ERBB4: variants seen among roughly 807,000 people sequenced by gnomAD.
ERBB4 encodes the protein erb-b2 receptor tyrosine kinase 4, also known as receptor tyrosine-protein kinase erbB-4.
Under a neutral mutation model 158.0 loss-of-function variants are expected in ERBB4, and 42 were observed. That is an observed-to-expected ratio of 0.27 (90% confidence interval 0.21 to 0.34). The LOEUF (loss-of-function observed/expected upper bound fraction) is 0.34. ERBB4 is among the 10% of genes least tolerant of loss of function. ERBB4 has a pLI of 1.00. For missense variants in ERBB4, 1,333 were observed against 1,624.1 expected (o/e 0.82, Z 3.08); for synonymous variants, 583 against 558.7 (o/e 1.04, Z -0.61).
At chr2:212,056,183 T>G (rs1036218177) in intron 2 of ERBB4, among the ~76,000 whole-genome samples, 1 of 152,058 alleles carries the variant, frequency 6.6e-6, no homozygotes, top group Non-Finnish European at 1.5e-5. Flanking sequence ...TATCAGTGAT[T>G]GAAGATCAAA....
intron 2 of ERBB4, among the ~76,000 whole-genome samples, chr2:212,107,175 A>T (rs888823305): frequency 1.2e-4 from 19 of 152,132 alleles, no homozygotes; most frequent in Admixed American, 3.9e-4. Context: ...AGCCACAGAC[A>T]CTCAGTGCCA....
intron 2 of ERBB4, among the ~76,000 whole-genome samples, chr2:212,003,191 A>AAGAAAGAAAGAAAGAAAGAAAG (rs1559293362): frequency 2.7e-5 from 2 of 74,120 alleles, no homozygotes; most frequent in Non-Finnish European, 3.3e-5. Flanking sequence ...GAAAGAAAGA[A>AAGAAAGAAAGAAAGAAAGAAAG]AGAAAGAAAG....
Position 211,673,276 on chromosome 2 carries a change from CAT to C in ERBB4, c.1623-21_1623-20del. The C allele has an allele frequency of 6.4e-7, 1 of 1,574,674 alleles. No homozygotes were observed. The highest frequency in any genetic ancestry group is 8.7e-7 in the Non-Finnish European group (1 of 1,144,276). ...AAATTCACTGTGAAAACATCAGCCA[CAT>C]GAGGAGGTGTAAGCAAACAAGCGTC... is the stretch of plus-strand genomic sequence containing the variant. On this transcript the variant is annotated intron_variant, in intron 13 of 27. Transcript: ENST00000342788.
chr2:212,500,157 T>A (rs1404258229), intron 1 of ERBB4, among the ~76,000 whole-genome samples: 1 of 152,116 alleles, frequency 6.6e-6, no homozygotes, highest in Non-Finnish European at 1.5e-5. Flanking sequence ...TAAAAGGATA[T>A]AGACTGCCTC....
At chr2:211,772,201 T>C (rs1191334956) in intron 4 of ERBB4, among the ~76,000 whole-genome samples, 1 of 152,166 alleles carries the variant, frequency 6.6e-6, no homozygotes, top group Non-Finnish European at 1.5e-5. Context: ...GTTAGAAATA[T>C]TTATACCATG....
chr2:212,165,861 A>G (rs922678015), intron 1 of ERBB4, among the ~76,000 whole-genome samples: 1 of 152,102 alleles, frequency 6.6e-6, no homozygotes, highest in Non-Finnish European at 1.5e-5. Flanking sequence ...ACTGTCACAT[A>G]TGAACAAACT....
At chr2:211,791,205 C>A (rs2076272647) in intron 3 of ERBB4, among the ~76,000 whole-genome samples, 1 of 151,730 alleles carries the variant, frequency 6.6e-6, no homozygotes, top group South Asian at 2.1e-4. Context: ...GGCTTGACCG[C>A]ATTTTTTAGA....
At chr2:212,169,407 G>C (rs1339976206) in intron 1 of ERBB4, among the ~76,000 whole-genome samples, 1 of 152,020 alleles carries the variant, frequency 6.6e-6, no homozygotes, top group Non-Finnish European at 1.5e-5. Flanking sequence ...ACAAGCAATG[G>C]GGGAAGGATT....
At chr2:212,472,248 A>T (rs919361327) in intron 1 of ERBB4, among the ~76,000 whole-genome samples, 1 of 126,268 alleles carries the variant, frequency 7.9e-6, no homozygotes, top group Non-Finnish European at 1.8e-5. Context: ...CAGGAGAGAG[A>T]GGACGCTAAA....
chr2:211,505,510 T>C (rs935220414), intron 20 of ERBB4, among the ~76,000 whole-genome samples: 1 of 145,078 alleles, frequency 6.9e-6, no homozygotes, highest in Admixed American at 6.8e-5. Context: ...AAAAAAAACA[T>C]GTAAGTAGAA....
intron 1 of ERBB4, among the ~76,000 whole-genome samples, chr2:212,316,121 T>C (rs146968312): frequency 6.6e-6 from 1 of 151,614 alleles, no homozygotes; most frequent in East Asian, 2.0e-4. Flanking sequence ...CTGAGAAAAC[T>C]ATCGATGATT....
intron 20 of ERBB4, among the ~76,000 whole-genome samples, chr2:211,528,935 C>T (rs988194141): frequency 6.6e-6 from 1 of 151,506 alleles, no homozygotes; most frequent in South Asian, 2.1e-4. Flanking sequence ...CCTAATGATG[C>T]ATTTTAAAGA....
chr2:211,422,344 T>C lies in ERBB4; in HGVS notation c.2867-240A>G, dbSNP rs10211047. 1 allele frequency among the ~76,000 whole-genome samples: 151,849 copies of C among 151,952 alleles called. 75,873 individuals carry two copies. The highest frequency in any genetic ancestry group is 1 in the Middle Eastern group (294 of 294). ...CAAAAGATAAATTTTTTCTCTGATGTGTATAGACGTGACTGCAATATAAGT... is the reference window on the plus strand; with the variant it reads ...CAAAAGATAAATTTTTTCTCTGATGCGTATAGACGTGACTGCAATATAAGT... On this transcript the variant is annotated intron_variant, in intron 23 of 27. Transcript: ENST00000342788.
intron 1 of ERBB4, among the ~76,000 whole-genome samples, chr2:212,395,345 T>C (rs1196407637): frequency 5.9e-5 from 9 of 151,938 alleles, no homozygotes; most frequent in Admixed American, 5.9e-4. Flanking sequence ...TTATATATTA[T>C]AATAATATTT....
chr2:211,861,887 T>A (rs1032230466), intron 3 of ERBB4, among the ~76,000 whole-genome samples: 1 of 87,724 alleles, frequency 1.1e-5, no homozygotes, highest in Non-Finnish European at 3.1e-5. Context: ...GAAATGCTAA[T>A]TTTTTCACTA....
At chr2:212,123,996 G>T (rs17416263) in intron 2 of ERBB4, among the ~76,000 whole-genome samples, 1 of 151,938 alleles carries the variant, frequency 6.6e-6, no homozygotes, top group Admixed American at 6.6e-5. Flanking sequence ...TCTTAATTGT[G>T]CAAAGACCAC....
chr2:211,964,083 GTC>G (rs2081252180), intron 2 of ERBB4, among the ~76,000 whole-genome samples: 1 of 152,112 alleles, frequency 6.6e-6, no homozygotes, highest in African/African-American at 2.4e-5. Flanking sequence ...TCTCTCCTGA[GTC>G]AACTTCATCA....
intron 12 of ERBB4, among the ~76,000 whole-genome samples, chr2:211,682,677 T>C (rs2072400958): frequency 2.0e-5 from 3 of 152,196 alleles, no homozygotes; most frequent in Admixed American, 2.0e-4. Flanking sequence ...AAGTTGTTCA[T>C]ACATTTCTGG....
intron 2 of ERBB4, among the ~76,000 whole-genome samples, chr2:211,972,519 T>C (rs1004259599): frequency 2.6e-5 from 4 of 152,102 alleles, no homozygotes; most frequent in Admixed American, 2.0e-4. Context: ...AAGGCTACAG[T>C]AACCAACACA....
Sources: allele counts gnomAD v4.1 joint callset (sites outside exome capture counted in the v4.1 genomes callset), GRCh38; gene constraint gnomAD v4.1.1; transcripts MANE v1.5; gene names NCBI Gene and HGNC (gene_info 2026-07-23, HGNC 2026-07-21).